Variants in RTN4RL1 observed in about 807,000 individuals in gnomAD.
The protein encoded by RTN4RL1 is reticulon-4 receptor-like 1.
In RTN4RL1, 7 loss-of-function variants were observed where a neutral mutation model predicts 25.6. The observed-to-expected ratio is 0.27, with a 90% CI of 0.16 to 0.51. RTN4RL1 has a LOEUF of 0.51. Ranked by LOEUF, RTN4RL1 falls within the 20% of genes least tolerant of loss-of-function variation. RTN4RL1 has a pLI of 0.97. For synonymous variants in RTN4RL1, 297 were observed against 288.2 expected (o/e 1.03, Z -0.31); for missense variants, 500 against 615.6 (o/e 0.81, Z 1.99).
chr17:1,975,691 G>T (rs918993751), intron 1 of RTN4RL1, among the ~76,000 whole-genome samples: 1 of 152,042 alleles, frequency 6.6e-6, no homozygotes, highest in Non-Finnish European at 1.5e-5. Flanking sequence ...GAAAGCTTTG[G>T]TGGAAGGGAG....
intron 1 of RTN4RL1, among the ~76,000 whole-genome samples, chr17:1,960,226 C>T (rs928341274): frequency 1.4e-5 from 2 of 143,954 alleles, no homozygotes; most frequent in Admixed American, 7.1e-5. Context: ...TCTTCTGTTC[C>T]CTGGACCTCT....
rs1175577569 is a variant in RTN4RL1, at chr17:1,937,545, G to C, written c.277C>G (p.Pro93Ala). Reference sequence around the variant, plus strand: ...TGCACGAAGCCCTCGAAGGTGCTGGGGTGGATGTAGGTGATGTTGTTCGAG... The same window carrying C: ...TGCACGAAGCCCTCGAAGGTGCTGGCGTGGATGTAGGTGATGTTGTTCGAG... The part of the protein sequence containing the change: ...IYSNNITYIH[P>A]STFEGFVHLE... The change falls in exon 2 of 2, where the codon CCC becomes GCC. Residue 93 changes from proline to alanine, a missense_variant. Coordinates refer to ENST00000331238, the MANE Select transcript of RTN4RL1 (RefSeq NM_178568.4). The C allele has an allele frequency of 1.2e-6, 2 of 1,613,900 alleles. No homozygotes were observed. Among genetic ancestry groups the C allele is most frequent in the Admixed American group, 3.3e-5 (2 of 60,012 alleles).
intron 1 of RTN4RL1, among the ~76,000 whole-genome samples, chr17:1,942,564 G>T (rs938519737): frequency 1.3e-5 from 2 of 152,158 alleles, no homozygotes; most frequent in Non-Finnish European, 2.9e-5. Flanking sequence ...TCACCTCCTG[G>T]AGTATGAATC....
chr17:1,977,687 G>C (rs2066848576), intron 1 of RTN4RL1, among the ~76,000 whole-genome samples: 1 of 152,108 alleles, frequency 6.6e-6, no homozygotes, highest in Admixed American at 6.5e-5. Flanking sequence ...AATGTCATCC[G>C]TCTCCAACTT....
chr17:2,006,886 G>A (rs1310087943), intron 1 of RTN4RL1, among the ~76,000 whole-genome samples: 2 of 152,108 alleles, frequency 1.3e-5, no homozygotes, highest in African/African-American at 2.4e-5. Context: ...GCCTCCCAAA[G>A]TCCGGGGATT....
Position 1,998,465 on chromosome 17 carries a change from C to T in RTN4RL1, c.13+26388G>A, listed in dbSNP as rs1479769652. Among the ~76,000 whole-genome samples the T allele has an allele frequency of 1.3e-5, 2 of 152,012 alleles. No homozygotes were observed. The highest frequency in any genetic ancestry group is 2.4e-5 in the African/African-American group (1 of 41,436). On this transcript the variant is annotated intron_variant, in intron 1 of 1. Coordinates refer to ENST00000331238, the MANE Select transcript of RTN4RL1 (RefSeq NM_178568.4). This position sits in a 1 kb window ranked among gnomAD's most constrained non-coding sequence, Gnocchi z 4.9. The stretch of plus-strand genomic sequence containing the variant: ...GCCGGCCGGGGATCTGCGCACCCCA[C>T]GCGCCCCGCTCGGGTCGGGCCTCCC...
intron 1 of RTN4RL1, among the ~76,000 whole-genome samples, chr17:1,979,170 G>A (rs1023532797): frequency 4.6e-5 from 7 of 152,258 alleles, no homozygotes; most frequent in African/African-American, 1.7e-4. Flanking sequence ...TTATTCAGGA[G>A]GCTGAGGCAG....
rs996148393 is a variant in RTN4RL1, at chr17:1,998,516, C to T, written c.13+26337G>A. Among the ~76,000 whole-genome samples the T allele has an allele frequency of 6.6e-4, 101 of 152,058 alleles. No homozygotes were observed. The highest frequency in any genetic ancestry group is 4.1e-4 in the Non-Finnish European group (28 of 67,976). ...CTCCCCGCGGCTGCCCCCGGGCCGG[C>T]CACCGCTGCCCAGCGCGCAGGTCCC... On this transcript the variant is annotated intron_variant, in intron 1 of 1. Transcript: ENST00000331238. This position sits in a 1 kb window ranked among gnomAD's most constrained non-coding sequence, Gnocchi z 4.9.
intron 1 of RTN4RL1, among the ~76,000 whole-genome samples, chr17:1,953,710 G>A (rs955694984): frequency 1.3e-5 from 2 of 152,022 alleles, no homozygotes; most frequent in Admixed American, 6.6e-5. Flanking sequence ...GATTACAGGC[G>A]AGCACCACCA....
chr17:2,011,008 T>C (rs1227331636), intron 1 of RTN4RL1, among the ~76,000 whole-genome samples: 1 of 152,132 alleles, frequency 6.6e-6, no homozygotes, highest in African/African-American at 2.4e-5. Flanking sequence ...TCCCAGCACT[T>C]TGGGAGGCCA....
rs1302001434 is a variant in RTN4RL1, at chr17:1,998,327, G to A, written c.13+26526C>T. On this transcript the variant is annotated intron_variant, in intron 1 of 1. Coordinates refer to ENST00000331238, the MANE Select transcript of RTN4RL1 (RefSeq NM_178568.4). The surrounding 1 kb of genome is among the most constrained non-coding windows in gnomAD (Gnocchi z 4.9). ...AGCCGAGCGCGCCCTTTGGGCACCG[G>A]CCCCGCCCGGGAGGGTCTTCTCGCT... Among the ~76,000 whole-genome samples, 1 of 152,174 alleles carries A rather than the reference G, an allele frequency of 6.6e-6. No homozygotes were observed. Among genetic ancestry groups the A allele is most frequent in the Non-Finnish European group, 1.5e-5 (1 of 68,018 alleles).
At chr17:2,014,398 C>T (rs914849449) in intron 1 of RTN4RL1, among the ~76,000 whole-genome samples, 1 of 152,212 alleles carries the variant, frequency 6.6e-6, no homozygotes, top group Non-Finnish European at 1.5e-5. Flanking sequence ...CAGGACCCCC[C>T]ACTCTCCCCA....
chr17:1,948,703 T>G (rs1172085876), intron 1 of RTN4RL1, among the ~76,000 whole-genome samples: 2 of 144,420 alleles, frequency 1.4e-5, no homozygotes, highest in East Asian at 4.5e-4. Context: ...GACGAGACCG[T>G]CCTCGGTGGC....
intron 1 of RTN4RL1, among the ~76,000 whole-genome samples, chr17:1,950,310 G>A (rs750222352): frequency 3.9e-5 from 6 of 152,132 alleles, no homozygotes; most frequent in Non-Finnish European, 8.8e-5. Context: ...TGAGGGAGGC[G>A]ACGGGGGTCA....
chr17:1,983,272 C>T (rs1166999310), intron 1 of RTN4RL1, among the ~76,000 whole-genome samples: 1 of 152,160 alleles, frequency 6.6e-6, no homozygotes, highest in Non-Finnish European at 1.5e-5. Flanking sequence ...TCTTGAACCC[C>T]TGGCCTCAAG....
intron 1 of RTN4RL1, among the ~76,000 whole-genome samples, chr17:1,983,729 C>CG (rs1296785412): frequency 2.0e-5 from 3 of 151,778 alleles, no homozygotes; most frequent in African/African-American, 7.3e-5. Context: ...TTTGTAGAGA[C>CG]GGGGTCTTAC....
chr17:1,967,270 A>C (rs2066795807), intron 1 of RTN4RL1, among the ~76,000 whole-genome samples: 1 of 146,892 alleles, frequency 6.8e-6, no homozygotes, highest in Admixed American at 6.8e-5. Context: ...AAAACAAACA[A>C]AACACTGTGT....
At chr17:1,951,656 T>G (rs1005522503) in intron 1 of RTN4RL1, among the ~76,000 whole-genome samples, 3 of 152,152 alleles carry the variant, frequency 2.0e-5, no homozygotes, top group Non-Finnish European at 4.4e-5. Flanking sequence ...TCACCACATG[T>G]TGGTCAGGCT....
intron 1 of RTN4RL1, among the ~76,000 whole-genome samples, chr17:2,016,511 C>T (rs892367459): frequency 2.6e-5 from 4 of 152,182 alleles, no homozygotes; most frequent in African/African-American, 9.7e-5. Context: ...CAGAGCTGAC[C>T]GAACACAGCC....
Sources: allele counts gnomAD v4.1 joint callset (sites outside exome capture counted in the v4.1 genomes callset), GRCh38; gene constraint gnomAD v4.1.1; non-coding constraint Gnocchi (gnomAD v3.1); transcripts MANE v1.5; gene names NCBI Gene and HGNC (gene_info 2026-07-23, HGNC 2026-07-21).